The following OR1D2 variants were observed in gnomAD, a reference collection of about 807,000 sequenced individuals.
The protein encoded by OR1D2 is olfactory receptor family 1 subfamily D member 2, also known as olfactory receptor 1D2.
For missense variants in OR1D2, 357 were observed against 376.1 expected (o/e 0.95, Z 0.42); for synonymous variants, 157 against 153.9 (o/e 1.02, Z -0.15).
At chr17:3,098,577 C>T (rs1263060898) in intron 1 of OR1D2, among the ~76,000 whole-genome samples, 1 of 152,138 alleles carries the variant, frequency 6.6e-6, no homozygotes, top group African/African-American at 2.4e-5. Flanking sequence ...ACAACAACAA[C>T]AACAACAAAT....
At chr17:3,099,560 G>A (rs1000827403) in intron 1 of OR1D2, among the ~76,000 whole-genome samples, 3 of 152,100 alleles carry the variant, frequency 2.0e-5, no homozygotes, top group Non-Finnish European at 4.4e-5. Flanking sequence ...TGGTACCAGC[G>A]ACTGCAAACA....
Position 3,090,541 on chromosome 17 carries a change from G to A in OR1D2, c.*1517C>T, listed in dbSNP as rs2047800349. The A allele has an allele frequency of 6.6e-6, 1 of 152,210 alleles. No individual in the cohort carries two copies. Among genetic ancestry groups the A allele is most frequent in the Admixed American group, 6.5e-5 (1 of 15,284 alleles). The allele number at this position is 152,210 out of a possible 1,614,324, so 9.4% of individuals were successfully genotyped here. Reference sequence around the variant, plus strand: ...TTGTGTTTCCTGTAGCTTCACATTTGTGTTTGCACATTTGAAGAAGCAGTC... The same window carrying A: ...TTGTGTTTCCTGTAGCTTCACATTTATGTTTGCACATTTGAAGAAGCAGTC... On this transcript the variant is annotated 3_prime_UTR_variant, in exon 2 of 2. Transcript: ENST00000641833.
Position 3,092,974 on chromosome 17 carries a change from T to A in OR1D2, c.23A>T (p.Glu8Val). The A allele has an allele frequency of 6.2e-7, 1 of 1,613,958 alleles. No individual in the cohort carries two copies. Among genetic ancestry groups the A allele is most frequent in the Non-Finnish European group, 8.5e-7 (1 of 1,179,936 alleles). Reference sequence around the variant, plus strand: ...CCCCAGGAGAAGGAACTCTGAACCTTCACTCTGGTTGCCTCCATCCATTTC... The same window carrying A: ...CCCCAGGAGAAGGAACTCTGAACCTACACTCTGGTTGCCTCCATCCATTTC... MDGGNQS[E>V]GSEFLLLGMS... is the part of the protein sequence containing the mutation. The change falls in exon 2 of 2, where the codon GAA (glutamate) becomes GTA (valine). Residue 8 changes from glutamate (E) to valine (V), a missense_variant. Physicochemically the swap from Glu to Val is moderately radical, Grantham distance 121 (BLOSUM62 -2). Transcript: ENST00000641833.
Sources: allele counts gnomAD v4.1 joint callset (sites outside exome capture counted in the v4.1 genomes callset), GRCh38; gene constraint gnomAD v4.1.1; transcripts MANE v1.5; gene names NCBI Gene and HGNC (gene_info 2026-07-23, HGNC 2026-07-21).